NAALADL2: variants seen among roughly 807,000 people sequenced by gnomAD.
The protein encoded by NAALADL2 is inactive N-acetylated-alpha-linked acidic dipeptidase-like protein 2.
Under a neutral mutation model 87.2 loss-of-function variants are expected in NAALADL2, and 76 were observed. The ratio of observed to expected loss-of-function variants is 0.87; its 90% CI spans 0.72 to 1.05. The LOEUF (loss-of-function observed/expected upper bound fraction) is 1.05, where lower values mean the gene tolerates loss of function less well. Among genes scored for constraint, NAALADL2 ranks in the 50% least tolerant of loss-of-function variants. The pLI, the probability that NAALADL2 is intolerant of heterozygous loss-of-function variation, is 0.00. For synonymous variants in NAALADL2, 354 were observed against 331.0 expected (o/e 1.07, Z -0.75); for missense variants, 1,089 against 945.8 (o/e 1.15, Z -1.99).
intron 1 of NAALADL2, among the ~76,000 whole-genome samples, chr3:175,018,448 C>A (rs776091476): frequency 2.0e-5 from 3 of 151,838 alleles, no homozygotes; most frequent in Admixed American, 1.3e-4. Flanking sequence ...ATTTATACTG[C>A]AAATGTTTAT....
intron 2 of NAALADL2, among the ~76,000 whole-genome samples, chr3:175,201,870 GTAGTGGGATTAATAGAAATACC>G (rs1740091718): frequency 6.6e-6 from 1 of 151,860 alleles, no homozygotes; most frequent in Non-Finnish European, 1.5e-5. Context: ...TTTGGAGGAG[GTAGTGGGATTAATAGAAATACC>G]TATTAATCTG....
At chr3:175,370,120 T>A (rs112493519) in intron 5 of NAALADL2, among the ~76,000 whole-genome samples, 1 of 152,048 alleles carries the variant, frequency 6.6e-6, no homozygotes, top group Non-Finnish European at 1.5e-5. Flanking sequence ...ATTATTTCAA[T>A]ATCCAGTCAT....
At chr3:174,768,509 C>T (rs535906696) in intron 3 of NAALADL2, among the ~76,000 whole-genome samples, 1 of 152,162 alleles carries the variant, frequency 6.6e-6, no homozygotes, top group Admixed American at 6.6e-5. Context: ...AAGGCACCAA[C>T]TCCAGTGCTT....
At chr3:174,533,817 A>C (rs1721463938) in intron 1 of NAALADL2, among the ~76,000 whole-genome samples, 1 of 152,184 alleles carries the variant, frequency 6.6e-6, no homozygotes, top group Non-Finnish European at 1.5e-5. Flanking sequence ...AGTATTGCTT[A>C]AAGAAAAGAG....
At chr3:175,496,356 A>G (rs1039144426) in intron 9 of NAALADL2, among the ~76,000 whole-genome samples, 1 of 151,898 alleles carries the variant, frequency 6.6e-6, no homozygotes, top group Non-Finnish European at 1.5e-5. Flanking sequence ...TAAAAGTTAG[A>G]CAATTTATGT....
chr3:175,220,341 GT>G (rs917359449), intron 2 of NAALADL2, among the ~76,000 whole-genome samples: 9 of 150,524 alleles, frequency 6.0e-5, no homozygotes, highest in Admixed American at 1.3e-4. Context: ...GGTTTGGAAA[GT>G]TTTTTTTTCT....
intron 4 of NAALADL2, among the ~76,000 whole-genome samples, chr3:175,300,683 T>G (rs1326463811): frequency 6.6e-6 from 1 of 151,920 alleles, no homozygotes; most frequent in East Asian, 1.9e-4. Context: ...TCTCTTTTCT[T>G]CTTTATAGTC....
chr3:175,319,542 G>C (rs1016102924), intron 4 of NAALADL2, among the ~76,000 whole-genome samples: 8 of 152,192 alleles, frequency 5.3e-5, no homozygotes, highest in African/African-American at 1.4e-4. Context: ...TTGCTGGGCA[G>C]GGCGCGGTGG....
chr3:175,402,608 G>GTA (rs969089936), intron 5 of NAALADL2, among the ~76,000 whole-genome samples: 41 of 151,958 alleles, frequency 2.7e-4, no homozygotes, highest in African/African-American at 9.9e-4. Context: ...ACTATACTAA[G>GTA]TATTTGTAGT....
At chr3:174,782,418 T>C (rs920023435) in intron 3 of NAALADL2, among the ~76,000 whole-genome samples, 1 of 152,030 alleles carries the variant, frequency 6.6e-6, no homozygotes, top group Non-Finnish European at 1.5e-5. Flanking sequence ...AATAATAATC[T>C]AATTATTATT....
chr3:174,780,123 T>C (rs1333759507), intron 3 of NAALADL2, among the ~76,000 whole-genome samples: 1 of 152,242 alleles, frequency 6.6e-6, no homozygotes, highest in Non-Finnish European at 1.5e-5. Context: ...TTTTTCCATT[T>C]GTTTGTGTCC....
intron 2 of NAALADL2, among the ~76,000 whole-genome samples, chr3:174,701,443 A>C (rs2108883495): frequency 6.6e-6 from 1 of 152,128 alleles, no homozygotes; most frequent in African/African-American, 2.4e-5. Flanking sequence ...TATCTTTTTG[A>C]ATAGTTTTAT....
intron 2 of NAALADL2, among the ~76,000 whole-genome samples, chr3:174,710,240 TTTTTCTTTTTC>T (rs1251928352): frequency 2.0e-5 from 3 of 150,802 alleles, no homozygotes; most frequent in East Asian, 2.0e-4. Context: ...CTTTTTTTTT[TTTTTCTTTTTC>T]TTTTCTTTTT....
At chr3:175,229,283 A>G (rs1020808138) in intron 2 of NAALADL2, among the ~76,000 whole-genome samples, 1 of 152,016 alleles carries the variant, frequency 6.6e-6, no homozygotes, top group African/African-American at 2.4e-5. Flanking sequence ...TGCATGTGAT[A>G]TAATTGTTTT....
chr3:174,922,172 T>G (rs1312478237), intron 1 of NAALADL2, among the ~76,000 whole-genome samples: 2 of 151,966 alleles, frequency 1.3e-5, no homozygotes, highest in Non-Finnish European at 2.9e-5. Context: ...TAGTCTGGCA[T>G]GATGTTGTAC....
chr3:174,991,668 G>C (rs1292901252), intron 1 of NAALADL2, among the ~76,000 whole-genome samples: 2 of 152,034 alleles, frequency 1.3e-5, no homozygotes, highest in African/African-American at 4.8e-5. Flanking sequence ...TATGGAGATG[G>C]AAGTGATAAA....
At chr3:174,761,016 G>T (rs970183388) in intron 3 of NAALADL2, among the ~76,000 whole-genome samples, 1 of 152,122 alleles carries the variant, frequency 6.6e-6, no homozygotes, top group African/African-American at 2.4e-5. Flanking sequence ...TTATTCACAG[G>T]CCCATTAAAC....
chr3:175,560,063 G>A (rs1716017667), intron 9 of NAALADL2, among the ~76,000 whole-genome samples: 1 of 152,176 alleles, frequency 6.6e-6, no homozygotes, highest in African/African-American at 2.4e-5. Flanking sequence ...AAGCCATGGA[G>A]TCCAAGGCTT....
At chr3:175,624,149 A>T (rs1726653468) in intron 10 of NAALADL2, among the ~76,000 whole-genome samples, 1 of 152,082 alleles carries the variant, frequency 6.6e-6, no homozygotes. Flanking sequence ...TCTGTGACTC[A>T]TATGCAGAGT....
Sources: gnomAD v4.1 joint callset for allele counts (sites outside exome capture counted in the v4.1 genomes callset) on GRCh38, gnomAD v4.1.1 for gene constraint, MANE v1.5 for transcripts, NCBI Gene and HGNC (gene_info 2026-07-23, HGNC 2026-07-21) for gene names.